The following VAT1L variants were observed in gnomAD, a reference collection of about 807,000 sequenced individuals.
The protein encoded by VAT1L is putative NADPH-dependent quinone oxidoreductase VAT1L.
In VAT1L, 34 loss-of-function variants were observed where a neutral mutation model predicts 44.1. The observed-to-expected ratio is 0.77, with a 90% CI of 0.59 to 1.03. VAT1L has a LOEUF of 1.03. Ranked by LOEUF, VAT1L falls within the 50% of genes least tolerant of loss-of-function variation. The pLI, the probability that VAT1L is intolerant of heterozygous loss-of-function variation, is 0.00. For missense variants in VAT1L, 615 were observed against 538.8 expected (o/e 1.14, Z -1.40); for synonymous variants, 253 against 202.2 (o/e 1.25, Z -2.13).
chr16:77,809,783 A>G (rs138233285), intron 1 of VAT1L, among the ~76,000 whole-genome samples: 136 of 152,332 alleles, frequency 8.9e-4, no homozygotes, highest in African/African-American at 3.2e-3. Flanking sequence ...ACTATTTCAT[A>G]GAATCATGAG....
intron 7 of VAT1L, among the ~76,000 whole-genome samples, chr16:77,912,259 G>A (rs2017506659): frequency 6.6e-6 from 1 of 152,194 alleles, no homozygotes; most frequent in East Asian, 1.9e-4. Context: ...ATCACCCTCA[G>A]CAAGATACCA....
intron 7 of VAT1L, among the ~76,000 whole-genome samples, chr16:77,901,290 G>C (rs1051415397): frequency 6.7e-6 from 1 of 150,036 alleles, no homozygotes; most frequent in African/African-American, 2.5e-5. Context: ...CAGCCTCCTG[G>C]ATAGCTGGAA....
intron 3 of VAT1L, among the ~76,000 whole-genome samples, chr16:77,830,935 C>T (rs953089161): frequency 3.9e-5 from 6 of 152,184 alleles, no homozygotes; most frequent in South Asian, 2.1e-4. Flanking sequence ...CTGCCCGCCT[C>T]GGCCTCCCAA....
At chr16:77,950,268 G>T (rs1183581600) in intron 7 of VAT1L, among the ~76,000 whole-genome samples, 1 of 152,086 alleles carries the variant, frequency 6.6e-6, no homozygotes, top group Non-Finnish European at 1.5e-5. Flanking sequence ...AATTAGCCAG[G>T]TGTGGTGGTG....
At chr16:77,970,572 G>A (rs905337560) in intron 7 of VAT1L, among the ~76,000 whole-genome samples, 2 of 152,088 alleles carry the variant, frequency 1.3e-5, no homozygotes, top group African/African-American at 4.8e-5. Flanking sequence ...TTTCCTTTCA[G>A]TAGACACATG....
chr16:77,934,547 T>A (rs138708244), intron 7 of VAT1L, among the ~76,000 whole-genome samples: 5 of 152,080 alleles, frequency 3.3e-5, no homozygotes, highest in African/African-American at 1.2e-4. Flanking sequence ...TGAAAACCAT[T>A]TTGGATTTCT....
chr16:77,803,417 C>CTTTTT lies in VAT1L; in HGVS notation c.234-13488_234-13484dup, dbSNP rs11379202. On this transcript the variant is annotated intron_variant, in intron 1 of 8. Transcript: ENST00000302536. ...TGAAACAACCATTTTACTAGACATTCTTTTTTTTTTTTTTTTTTTTGAGAT... is the reference window on the plus strand; with the variant it reads ...TGAAACAACCATTTTACTAGACATTCTTTTTTTTTTTTTTTTTTTTTTTTTGAGAT... Among the ~76,000 whole-genome samples, 70 of 105,486 alleles carry CTTTTT rather than the reference C, an allele frequency of 6.6e-4. 1 individual carries two copies. Among genetic ancestry groups the CTTTTT allele is most frequent in the Non-Finnish European group, 8.7e-4 (49 of 56,388 alleles). 69.2% of individuals were successfully genotyped at this position (105,486 alleles called of 152,430 possible).
At chr16:77,961,811 T>C (rs940299702) in intron 7 of VAT1L, among the ~76,000 whole-genome samples, 1 of 152,190 alleles carries the variant, frequency 6.6e-6, no homozygotes, top group Non-Finnish European at 1.5e-5. Context: ...CTATCAGCTG[T>C]GTGATCTTAG....
At chr16:77,876,522 C>T in intron 5 of VAT1L, 49 bp downstream of exon 5, 1 of 1,506,974 alleles carries the variant, frequency 6.6e-7, no homozygotes, top group Non-Finnish European at 9.2e-7. Flanking sequence ...GGTACCTCTA[C>T]ATATGTGCCT....
At chr16:77,946,962 T>C (rs187969525) in intron 7 of VAT1L, among the ~76,000 whole-genome samples, 171 of 152,334 alleles carry the variant, frequency 1.1e-3, no homozygotes, top group African/African-American at 4.0e-3. Flanking sequence ...CCTCAACCCC[T>C]TACTTTAATT....
chr16:77,979,392 T>G lies in VAT1L; in HGVS notation c.*1697T>G, dbSNP rs2018375399. The G allele has an allele frequency of 6.6e-6, 1 of 152,172 alleles. No individual in the cohort carries two copies. Among genetic ancestry groups the G allele is most frequent in the Admixed American group, 6.5e-5 (1 of 15,268 alleles). 9.4% of individuals were successfully genotyped at this position (152,172 alleles called of 1,614,324 possible). On this transcript the variant is annotated 3_prime_UTR_variant, in exon 9 of 9. Transcript: ENST00000302536. ...CACCAATATTCCAGTTCTGGGTCAT[T>G]TAGAGAGATAATGGGGCGTTTATTC...
Position 77,921,087 on chromosome 16 carries a change from G to A in VAT1L, c.1077+36285G>A, listed in dbSNP as rs150494568. Among the ~76,000 whole-genome samples, 24 of 152,224 alleles carry A rather than the reference G, an allele frequency of 1.6e-4. No homozygotes were observed. In the East Asian group the frequency reaches 4.6e-3, roughly 29 times the overall value. On this transcript the variant is annotated intron_variant, in intron 7 of 8. Coordinates refer to ENST00000302536, the MANE Select transcript of VAT1L (RefSeq NM_020927.3). ...TCTCATTTGCCAGTTTCATTGCCTC[G>A]AAGGGCTACCTGGAAATCTGTTTGC... is the stretch of plus-strand genomic sequence containing the variant.
chr16:77,876,245 C>A, intron 4 of VAT1L, 125 bp from the exon 5 acceptor site: 2 of 774,794 alleles, frequency 2.6e-6, no homozygotes, highest in South Asian at 1.6e-5. Flanking sequence ...CTATTTATTG[C>A]TACTCCTGGA....
intron 1 of VAT1L, among the ~76,000 whole-genome samples, chr16:77,789,911 G>A (rs1251128005): frequency 6.6e-6 from 1 of 152,126 alleles, no homozygotes; most frequent in East Asian, 1.9e-4. Flanking sequence ...AGGCGGACTG[G>A]ACCCAACACT....
intron 7 of VAT1L, among the ~76,000 whole-genome samples, chr16:77,946,276 G>GTTGTTTTTTTTTTTTTTTTTTTT (rs1597114758): frequency 3.0e-5 from 1 of 33,862 alleles, no homozygotes; most frequent in Non-Finnish European, 5.7e-5. Flanking sequence ...TAGGTTACTT[G>GTTGTTTTTTTTTTTTTTTTTTTT]TTCTTTTTTT....
chr16:77,896,689 C>T (rs942548451), intron 7 of VAT1L, among the ~76,000 whole-genome samples: 1 of 151,752 alleles, frequency 6.6e-6, no homozygotes, highest in African/African-American at 2.4e-5. Flanking sequence ...CATCTCCCAT[C>T]AAGGTTCTAA....
intron 7 of VAT1L, among the ~76,000 whole-genome samples, chr16:77,957,001 C>T (rs2018111104): frequency 6.6e-6 from 1 of 152,086 alleles, no homozygotes; most frequent in Non-Finnish European, 1.5e-5. Flanking sequence ...TTTCTCCAAG[C>T]CTAAGAAATG....
At chr16:77,896,221 C>T (rs780072862) in intron 7 of VAT1L, among the ~76,000 whole-genome samples, 7 of 152,150 alleles carry the variant, frequency 4.6e-5, no homozygotes, top group Non-Finnish European at 7.3e-5. Flanking sequence ...GCCTGCATGC[C>T]CTTCCCTCAT....
At chr16:77,946,279 C>CTTGTTTTTTTTTTTTT (rs2017963497) in intron 7 of VAT1L, among the ~76,000 whole-genome samples, 2 of 70,428 alleles carry the variant, frequency 2.8e-5, no homozygotes, top group Non-Finnish European at 5.0e-5. Context: ...GTTACTTGTT[C>CTTGTTTTTTTTTTTTT]TTTTTTTTTT....
Sources: allele counts gnomAD v4.1 joint callset (sites outside exome capture counted in the v4.1 genomes callset), GRCh38; gene constraint gnomAD v4.1.1; transcripts MANE v1.5; gene names NCBI Gene and HGNC (gene_info 2026-07-23, HGNC 2026-07-21).